The following TDP1 variants were observed in gnomAD, a reference collection of about 807,000 sequenced individuals.
TDP1 encodes tyrosyl-DNA phosphodiesterase 1.
TDP1 carries 64 observed loss-of-function variants against 81.5 expected under a neutral mutation model. The ratio of observed to expected loss-of-function variants is 0.79; its 90% CI spans 0.64 to 0.97. The LOEUF is 0.97. Among genes scored for constraint, TDP1 ranks in the 50% least tolerant of loss-of-function variants. The pLI is 0.00. For synonymous variants in TDP1, 256 were observed against 264.3 expected (o/e 0.97, Z 0.30); for missense variants, 723 against 743.8 (o/e 0.97, Z 0.33).
At chr14:89,964,491 A>T (rs1374264267) in intron 3 of TDP1, among the ~76,000 whole-genome samples, 1 of 152,270 alleles carries the variant, frequency 6.6e-6, no homozygotes, top group African/African-American at 2.4e-5. Flanking sequence ...CATGGCAGAT[A>T]CAATAAACAT....
intron 3 of TDP1, among the ~76,000 whole-genome samples, chr14:89,964,095 CTG>C (rs1892657266): frequency 6.6e-6 from 1 of 152,174 alleles, no homozygotes; most frequent in Admixed American, 6.5e-5. Flanking sequence ...AAATTGGACT[CTG>C]AGGGTGAGAT....
intron 16 of TDP1, among the ~76,000 whole-genome samples, chr14:90,038,609 G>A (rs34913025): frequency 0.013 from 1,970 of 152,216 alleles, 49 homozygotes; most frequent in African/African-American, 0.045. Flanking sequence ...AGGCAGAGGC[G>A]GGCAGATCAC....
intron 14 of TDP1, among the ~76,000 whole-genome samples, chr14:90,008,095 A>C (rs1884258473): frequency 6.6e-6 from 1 of 152,204 alleles, no homozygotes; most frequent in Admixed American, 6.5e-5. Flanking sequence ...ATTTAGTCTC[A>C]GCAGGGTTTG....
intron 14 of TDP1, among the ~76,000 whole-genome samples, chr14:89,996,379 C>T (rs749326698): frequency 3.5e-4 from 54 of 152,302 alleles, no homozygotes; most frequent in Middle Eastern, 3.4e-3. Flanking sequence ...TGAAGTCATC[C>T]AGCCAACAGC....
Position 89,981,755 on chromosome 14 carries a change from G to A in TDP1, c.884+1123G>A, listed in dbSNP as rs184371404. Among the ~76,000 whole-genome samples, 10 of 152,060 alleles carry A rather than the reference G, an allele frequency of 6.6e-5. No individual in the cohort carries two copies. In the East Asian group the frequency reaches 1.2e-3, roughly 18 times the overall value. ...GGTTACAATGCTGTGATGCGATCAC[G>A]GCTCACTTTAACCTCAACCTCCTGG... On this transcript the variant is annotated intron_variant, in intron 8 of 16. Coordinates refer to ENST00000335725, the MANE Select transcript of TDP1 (RefSeq NM_018319.4).
chr14:89,985,577 C>T (rs34131712), intron 10 of TDP1, among the ~76,000 whole-genome samples: 1 of 152,164 alleles, frequency 6.6e-6, no homozygotes, highest in Admixed American at 6.5e-5. Flanking sequence ...AAGACTACAA[C>T]TGAGCTATAA....
Position 89,971,399 on chromosome 14 carries a change from T to C in TDP1, c.756+128T>C, listed in dbSNP as rs11848062. 0.043 allele frequency: 31,695 copies of C among 733,584 alleles called. 2,663 individuals carry two copies. The highest frequency in any genetic ancestry group is 0.29 in the African/African-American group (16,441 of 57,504). 45.4% of individuals were successfully genotyped at this position (733,584 alleles called of 1,614,324 possible). A position where few individuals can be genotyped will look rare whatever the true frequency, so the allele number is the denominator to read the frequency against. Reference sequence around the variant, plus strand: ...CATCAGTCATCAATAGATATTTGTCTAGCCTCAGCTTAAACACTTCCTGAG... The same window carrying C: ...CATCAGTCATCAATAGATATTTGTCCAGCCTCAGCTTAAACACTTCCTGAG... On this transcript the variant is annotated intron_variant, in intron 6 of 16. Transcript: ENST00000335725.
chr14:90,009,818 AAC>A (rs1161208242), intron 14 of TDP1, among the ~76,000 whole-genome samples: 2 of 152,252 alleles, frequency 1.3e-5, no homozygotes, highest in Non-Finnish European at 2.9e-5. Context: ...AACAGAACAG[AAC>A]AGAGTCCAGA....
intron 14 of TDP1, among the ~76,000 whole-genome samples, chr14:90,009,809 A>T (rs1429492949): frequency 6.6e-6 from 1 of 152,176 alleles, no homozygotes; most frequent in Non-Finnish European, 1.5e-5. Flanking sequence ...AAATTGATGA[A>T]CAGAACAGAA....
At chr14:90,021,245 A>G (rs1428019799) in intron 15 of TDP1, among the ~76,000 whole-genome samples, 1 of 152,036 alleles carries the variant, frequency 6.6e-6, no homozygotes, top group Non-Finnish European at 1.5e-5. Context: ...TCTCAGTTTC[A>G]CTACAAAACT....
intron 14 of TDP1, among the ~76,000 whole-genome samples, chr14:90,016,957 A>G (rs1885386475): frequency 6.6e-6 from 1 of 152,194 alleles, no homozygotes; most frequent in Non-Finnish European, 1.5e-5. Context: ...TCCAGCAGCA[A>G]CAACACAAAC....
At chr14:89,989,127 T>C (rs994981530) in intron 11 of TDP1, 37 bp downstream of exon 11, 1 of 1,587,668 alleles carries the variant, frequency 6.3e-7, no homozygotes, top group Non-Finnish European at 8.6e-7. Context: ...TTTACTTTTA[T>C]TCTCTACACA....
chr14:90,018,625 T>C (rs1454103278), intron 14 of TDP1, among the ~76,000 whole-genome samples: 3 of 152,152 alleles, frequency 2.0e-5, no homozygotes, highest in African/African-American at 7.2e-5. Context: ...CATGCCTGGC[T>C]AATGTTTTTT....
rs1027898700 is a variant in TDP1, at chr14:90,019,567, G to A, written c.1644+149G>A. 2.4e-4 allele frequency: 162 copies of A among 681,374 alleles called. 2 individuals carry two copies. The highest frequency in any genetic ancestry group is 3.0e-5 in the Non-Finnish European group (11 of 370,474). 42.2% of individuals were successfully genotyped at this position (681,374 alleles called of 1,614,324 possible). On this transcript the variant is annotated intron_variant, in intron 15 of 16. Coordinates refer to ENST00000335725, the MANE Select transcript of TDP1 (RefSeq NM_018319.4). The stretch of plus-strand genomic sequence containing the variant: ...AGCCTGCACTCTTAACCGCTGGTCT[G>A]TACCTCTGAGCTTACTGAACACTCA...
chr14:89,959,687 C>T (rs1451677785), intron 2 of TDP1, among the ~76,000 whole-genome samples: 1 of 152,014 alleles, frequency 6.6e-6, no homozygotes, highest in African/African-American at 2.4e-5. Context: ...TATTTTTTAT[C>T]CTCTTGTCCT....
intron 14 of TDP1, among the ~76,000 whole-genome samples, chr14:90,004,892 G>C (rs1035594465): frequency 6.6e-6 from 1 of 152,164 alleles, no homozygotes; most frequent in Non-Finnish European, 1.5e-5. Context: ...CCCCAAGGAG[G>C]CTGCCCCTCC....
intron 7 of TDP1, among the ~76,000 whole-genome samples, chr14:89,978,181 T>G (rs1228546210): frequency 6.6e-6 from 1 of 152,202 alleles, no homozygotes; most frequent in Non-Finnish European, 1.5e-5. Context: ...TAGCATGAAG[T>G]GTTCACCGTT....
chr14:89,982,702 G>A (rs1444628010), intron 8 of TDP1, among the ~76,000 whole-genome samples: 1 of 152,144 alleles, frequency 6.6e-6, no homozygotes, highest in Non-Finnish European at 1.5e-5. Context: ...TATTGACTAG[G>A]TAGGAACGGT....
At chr14:89,964,082 A>G (rs529419547) in intron 3 of TDP1, among the ~76,000 whole-genome samples, 2 of 152,290 alleles carry the variant, frequency 1.3e-5, no homozygotes, top group African/African-American at 4.8e-5. Flanking sequence ...TTCCCGATTC[A>G]TTAAATTGGA....
Sources: gnomAD v4.1 joint callset for allele counts (sites outside exome capture counted in the v4.1 genomes callset) on GRCh38, gnomAD v4.1.1 for gene constraint, MANE v1.5 for transcripts, NCBI Gene and HGNC (gene_info 2026-07-23, HGNC 2026-07-21) for gene names.